CELSR1: variants seen among roughly 807,000 people sequenced by gnomAD.
CELSR1 encodes the protein adhesion G protein-coupled receptor C1.
CELSR1 carries 110 observed loss-of-function variants against 249.1 expected under a neutral mutation model. That is an observed-to-expected ratio of 0.44 (90% confidence interval 0.38 to 0.52). The LOEUF is 0.52. Ranked by LOEUF, CELSR1 falls within the 20% of genes least tolerant of loss-of-function variation. The probability of loss-of-function intolerance (pLI) is 0.00; values close to 1 mark genes in which losing one functional copy is unlikely to be tolerated. For synonymous variants in CELSR1, 2,113 were observed against 1,900.0 expected (o/e 1.11, Z -2.92); for missense variants, 4,109 against 4,296.4 (o/e 0.96, Z 1.22).
At chr22:46,455,028 G>C (rs1352208477) in intron 2 of CELSR1, among the ~76,000 whole-genome samples, 10 of 152,208 alleles carry the variant, frequency 6.6e-5, no homozygotes, top group Non-Finnish European at 1.2e-4. Flanking sequence ...CCTGGACAGA[G>C]ACAGACGTGC....
intron 20 of CELSR1, among the ~76,000 whole-genome samples, chr22:46,383,616 T>C (rs1483695416): frequency 2.0e-5 from 3 of 152,158 alleles, no homozygotes; most frequent in African/African-American, 4.8e-5. Context: ...AGCCTCCATC[T>C]CCCGGACTCA....
At chr22:46,392,275 G>A (rs571736116) in intron 14 of CELSR1, among the ~76,000 whole-genome samples, 56 of 152,290 alleles carry the variant, frequency 3.7e-4, no homozygotes, top group Non-Finnish European at 7.2e-4. Context: ...GACCCTTGCC[G>A]TTTACCAGCT....
At chr22:46,459,470 G>A (rs921502740) in intron 2 of CELSR1, among the ~76,000 whole-genome samples, 11 of 152,186 alleles carry the variant, frequency 7.2e-5, no homozygotes, top group African/African-American at 2.7e-4. Context: ...GATGCAAGAG[G>A]AAGGATCTAA....
chr22:46,474,812 G>T, intron 1 of CELSR1, among the ~76,000 whole-genome samples: 1 of 13,546 alleles, frequency 7.4e-5, no homozygotes, highest in African/African-American at 4.5e-4. Flanking sequence ...TTTTTGAGAC[G>T]GAGTCTCACT....
chr22:46,371,259 C>T (rs111587829), intron 25 of CELSR1, among the ~76,000 whole-genome samples: 2 of 152,192 alleles, frequency 1.3e-5, no homozygotes, highest in South Asian at 2.1e-4. Flanking sequence ...TGGTCAGTGA[C>T]GTTGCTGTGG....
At position 46,429,446 on chromosome 22, in the gene CELSR1, T is replaced by C. The variant is rs1315124097; in HGVS notation, c.4611+3947A>G. Among the ~76,000 whole-genome samples, 3 of 152,212 alleles carry C rather than the reference T, an allele frequency of 2.0e-5. No homozygotes were observed. The highest frequency in any genetic ancestry group is 4.4e-5 in the Non-Finnish European group (3 of 68,034). ...GGCGTGGCTGTGGGCGTGGGGGCTG[T>C]GTTGTTCATCTGTGCTTGGCGGAGC... is the stretch of plus-strand genomic sequence containing the variant. On this transcript the variant is annotated intron_variant, in intron 5 of 34. Transcript: ENST00000674500. The surrounding 1 kb of genome is among the most constrained non-coding windows in gnomAD (Gnocchi z 4.1).
chr22:46,529,799 T>A (rs2080774214), intron 1 of CELSR1, among the ~76,000 whole-genome samples: 1 of 148,994 alleles, frequency 6.7e-6, no homozygotes, highest in Non-Finnish European at 1.5e-5. Flanking sequence ...TGAGACTCCA[T>A]CTCAAAAAAA....
chr22:46,369,593 G>T, intron 26 of CELSR1, 99 bp downstream of exon 26: 2 of 1,099,242 alleles, frequency 1.8e-6, no homozygotes, highest in Non-Finnish European at 2.7e-6. Flanking sequence ...CCCCCCGTCG[G>T]CTGCTCAGAG....
In CELSR1 at chr22:46,411,749, C is replaced by T. The variant is rs778518068; in HGVS notation, c.4622G>A (p.Gly1541Asp). The change falls in exon 6 of 35, where the codon GGC (glycine) becomes GAC (aspartate). Residue 1541 changes from glycine to aspartate, a missense_variant. Gly to Asp is a moderately conservative substitution (Grantham distance 94). Transcript: ENST00000674500. This position sits in a 1 kb window ranked among gnomAD's most constrained non-coding sequence, Gnocchi z 4.2. ...CGGCCCATGGGGCAGGCCCAGGTGGCCAATATTGGGCTGTAAGAAGAGAAA... is the reference window on the plus strand; with the variant it reads ...CGGCCCATGGGGCAGGCCCAGGTGGTCAATATTGGGCTGTAAGAAGAGAAA... ...QVQYYNKPNI[G>D]HLGLPHGPSG... 1 of 1,614,118 alleles carries T rather than the reference C, an allele frequency of 6.2e-7. No homozygotes were observed. Among genetic ancestry groups the T allele is most frequent in the Non-Finnish European group, 8.5e-7 (1 of 1,180,044 alleles).
At chr22:46,378,117 G>C (rs944393642) in intron 23 of CELSR1, among the ~76,000 whole-genome samples, 1 of 152,218 alleles carries the variant, frequency 6.6e-6, no homozygotes, top group African/African-American at 2.4e-5. Context: ...TAAAATGCCA[G>C]AGGTTAAACA....
chr22:46,466,805 T>C (rs1313565775), intron 1 of CELSR1, among the ~76,000 whole-genome samples: 2 of 152,118 alleles, frequency 1.3e-5, no homozygotes, highest in Non-Finnish European at 2.9e-5. Context: ...CCCAAGGGGA[T>C]GGGTTTTGGA....
At chr22:46,389,129 C>T (rs758563149) in intron 18 of CELSR1, among the ~76,000 whole-genome samples, 161 bp downstream of exon 18, 6 of 152,370 alleles carry the variant, frequency 3.9e-5, no homozygotes, top group Admixed American at 1.3e-4. Flanking sequence ...TTTAGTCAGG[C>T]ACTGCACCCG....
intron 14 of CELSR1, among the ~76,000 whole-genome samples, chr22:46,392,971 C>A (rs1382668739): frequency 3.9e-5 from 6 of 152,182 alleles, no homozygotes; most frequent in Non-Finnish European, 1.5e-5. Flanking sequence ...ACGTGTGGAC[C>A]GACCCTGACC....
In CELSR1 at chr22:46,473,088, T is replaced by C. The variant is rs2080172289; in HGVS notation, c.3545-8743A>G. ...CACGGAGGCAGGGGGTGGGTGAACC[T>C]CCGACTGCTGCCGGCCTCGTGGGCT... On this transcript the variant is annotated intron_variant, in intron 1 of 34. Transcript: ENST00000674500. The surrounding 1 kb of genome is among the most constrained non-coding windows in gnomAD (Gnocchi z 6.6). Among the ~76,000 whole-genome samples, 1 of 151,320 alleles carries C rather than the reference T, an allele frequency of 6.6e-6. No homozygotes were observed. The highest frequency in any genetic ancestry group is 6.6e-5 in the Admixed American group (1 of 15,198).
chr22:46,505,813 T>C (rs1044389755), intron 1 of CELSR1, among the ~76,000 whole-genome samples: 3 of 152,158 alleles, frequency 2.0e-5, no homozygotes, highest in African/African-American at 7.2e-5. Context: ...GATGTTTTAC[T>C]TTTTTTATTA....
In CELSR1 at chr22:46,417,578, T is replaced by C. The variant is rs2079417754; in HGVS notation, c.4612-5819A>G. On this transcript the variant is annotated intron_variant, in intron 5 of 34. Coordinates refer to ENST00000674500, the MANE Select transcript of CELSR1 (RefSeq NM_001378328.1). This position sits in a 1 kb window ranked among gnomAD's most constrained non-coding sequence, Gnocchi z 4.1. ...CCAACTGAGCCACTGGGCCACCGGG[T>C]GGGGAGGGCAGCTCCACACTATCCC... 1.3e-5 allele frequency among the ~76,000 whole-genome samples: 2 copies of C among 151,936 alleles called. No homozygotes were observed.
At position 46,413,926 on chromosome 22, in the gene CELSR1, T is replaced by A. The variant is rs1284834154; in HGVS notation, c.4612-2167A>T. Among the ~76,000 whole-genome samples, 1 of 152,184 alleles carries A rather than the reference T, an allele frequency of 6.6e-6. No individual in the cohort carries two copies. The highest frequency in any genetic ancestry group is 1.5e-5 in the Non-Finnish European group (1 of 68,030). ...TTTTTGGGGCTGGGCGTGAGACTAC[T>A]GGAGGAAGGGCGTAAGTAGCATTTA... On this transcript the variant is annotated intron_variant, in intron 5 of 34. Transcript: ENST00000674500. This position sits in a 1 kb window ranked among gnomAD's most constrained non-coding sequence, Gnocchi z 4.7.
chr22:46,530,933 G>C (rs1400337438), intron 1 of CELSR1, among the ~76,000 whole-genome samples: 4 of 152,180 alleles, frequency 2.6e-5, no homozygotes, highest in East Asian at 1.9e-4. Flanking sequence ...TGCATCAAAG[G>C]CTTTAGGGCA....
chr22:46,422,231 G>C lies in CELSR1; in HGVS notation c.4612-10472C>G, dbSNP rs574511193. ...AGAGATTCTCCTGCCTCAGCCTCCC[G>C]AGTAGCTGAGATTATGGGCACCTGC... On this transcript the variant is annotated intron_variant, in intron 5 of 34. Coordinates refer to ENST00000674500, the MANE Select transcript of CELSR1 (RefSeq NM_001378328.1). Among the ~76,000 whole-genome samples the C allele has an allele frequency of 1.4e-4, 22 of 151,956 alleles. No homozygotes were observed. The South Asian group carries it at 3.1e-3, about 22-fold the overall frequency.
Sources: gnomAD v4.1 joint callset for allele counts (sites outside exome capture counted in the v4.1 genomes callset) on GRCh38, gnomAD v4.1.1 for gene constraint, Gnocchi (gnomAD v3.1) non-coding constraint, MANE v1.5 for transcripts, NCBI Gene and HGNC (gene_info 2026-07-23, HGNC 2026-07-21) for gene names.